The following GPC5 variants were observed in gnomAD, a reference collection of about 807,000 sequenced individuals.
The protein encoded by GPC5 is glypican 5, also known as glypican-5.
Under a neutral mutation model 53.9 loss-of-function variants are expected in GPC5, and 47 were observed. That is an observed-to-expected ratio of 0.87 (90% CI 0.69 to 1.11). The LOEUF is 1.11. Ranked by LOEUF, GPC5 falls within the 50% of genes most tolerant of loss-of-function variation. The pLI is 0.00. For synonymous variants in GPC5, 286 were observed against 263.3 expected (o/e 1.09, Z -0.84); for missense variants, 748 against 713.1 (o/e 1.05, Z -0.56).
intron 6 of GPC5, among the ~76,000 whole-genome samples, chr13:92,054,058 A>AAT (rs1357961961): frequency 6.6e-6 from 1 of 151,212 alleles, no homozygotes; most frequent in African/African-American, 2.4e-5. Context: ...TAAATAAATA[A>AAT]ATAAATAAAT....
At chr13:92,763,663 G>A (rs1001283707) in intron 7 of GPC5, among the ~76,000 whole-genome samples, 26 of 152,112 alleles carry the variant, frequency 1.7e-4, no homozygotes, top group African/African-American at 5.8e-4. Flanking sequence ...GGGTCTTGTG[G>A]TGCAGCTTCA....
chr13:92,084,337 C>T (rs1165113958), intron 6 of GPC5, among the ~76,000 whole-genome samples: 2 of 152,038 alleles, frequency 1.3e-5, no homozygotes, highest in Non-Finnish European at 2.9e-5. Context: ...TGCTATATCA[C>T]GTGGGTCACA....
At chr13:92,263,672 A>G (rs2042781648) in intron 7 of GPC5, among the ~76,000 whole-genome samples, 1 of 152,126 alleles carries the variant, frequency 6.6e-6, no homozygotes, top group Non-Finnish European at 1.5e-5. Context: ...TATTATTCCC[A>G]TTTATAAATG....
At chr13:92,212,737 C>A (rs1027614458) in intron 7 of GPC5, among the ~76,000 whole-genome samples, 2 of 152,186 alleles carry the variant, frequency 1.3e-5, no homozygotes, top group Non-Finnish European at 2.9e-5. Context: ...CTAATGTCCT[C>A]TGGGCACAGC....
intron 7 of GPC5, among the ~76,000 whole-genome samples, chr13:92,472,428 A>T (rs1878949222): frequency 6.6e-6 from 1 of 152,092 alleles, no homozygotes; most frequent in Admixed American, 6.6e-5. Flanking sequence ...AAGTTAGCTC[A>T]CGTGCAATGT....
intron 5 of GPC5, among the ~76,000 whole-genome samples, chr13:91,882,669 G>GTTTTT (rs1469974080): frequency 1.1e-3 from 22 of 19,694 alleles, no homozygotes; most frequent in Non-Finnish European, 1.6e-3. Flanking sequence ...TTGTTTTTTG[G>GTTTTT]GTTTTTTTTT....
At chr13:91,774,626 C>T (rs1445396) in intron 5 of GPC5, among the ~76,000 whole-genome samples, 61,505 of 151,876 alleles carry the variant, frequency 0.4, 14,352 homozygotes, top group East Asian at 0.87. Flanking sequence ...TACTGCTGGA[C>T]ATGATGGTGA....
At chr13:92,009,786 C>A (rs2040643354) in intron 6 of GPC5, among the ~76,000 whole-genome samples, 1 of 152,176 alleles carries the variant, frequency 6.6e-6, no homozygotes, top group Non-Finnish European at 1.5e-5. Flanking sequence ...TTCCTCCTGG[C>A]AGAGAGCCAT....
intron 7 of GPC5, among the ~76,000 whole-genome samples, chr13:92,706,367 A>G (rs900262362): frequency 6.6e-6 from 1 of 151,966 alleles, no homozygotes; most frequent in African/African-American, 2.4e-5. Flanking sequence ...CTAGAATGCT[A>G]TTAAAATATA....
chr13:91,664,709 C>T (rs1328078827), intron 2 of GPC5, among the ~76,000 whole-genome samples: 1 of 152,168 alleles, frequency 6.6e-6, no homozygotes, highest in Non-Finnish European at 1.5e-5. Context: ...CTGCATGTTG[C>T]TTACAGTTTA....
chr13:92,512,169 C>T lies in GPC5; in HGVS notation c.1562-354113C>T, dbSNP rs372580837. Among the ~76,000 whole-genome samples the T allele has an allele frequency of 1.1e-4, 16 of 152,214 alleles. No individual in the cohort carries two copies. In the East Asian group the frequency reaches 2.9e-3, roughly 28 times the overall value. Reference sequence around the variant, plus strand: ...TATCTTATATTAACTAAATTTTCTCCCCGATTCTGCCCTGGCAACACTTAA... The same window carrying T: ...TATCTTATATTAACTAAATTTTCTCTCCGATTCTGCCCTGGCAACACTTAA... On this transcript the variant is annotated intron_variant, in intron 7 of 7. Coordinates refer to ENST00000377067, the MANE Select transcript of GPC5 (RefSeq NM_004466.6).
intron 7 of GPC5, among the ~76,000 whole-genome samples, chr13:92,155,239 T>A (rs9523521): frequency 0.21 from 31,736 of 152,034 alleles, 3,963 homozygotes; most frequent in Non-Finnish European, 0.3. Flanking sequence ...TTAGCTCACA[T>A]GTTCTTTCCT....
Position 91,423,265 on chromosome 13 carries a change from T to A in GPC5, c.163+24056T>A, listed in dbSNP as rs1029938292. Among the ~76,000 whole-genome samples, 3 of 152,350 alleles carry A rather than the reference T, an allele frequency of 2.0e-5. 1 individual carries two copies. Among genetic ancestry groups the A allele is most frequent in the Admixed American group, 2.0e-4 (3 of 15,302 alleles). ...AGTTTTGGAGCCACACTGCCAGGGC[T>A]CATGTCTCAGCTTTTTAGTAGACAT... On this transcript the variant is annotated intron_variant, in intron 1 of 7. Coordinates refer to ENST00000377067, the MANE Select transcript of GPC5 (RefSeq NM_004466.6).
At chr13:91,697,069 T>G (rs1201087447) in intron 3 of GPC5, among the ~76,000 whole-genome samples, 1 of 152,230 alleles carries the variant, frequency 6.6e-6, no homozygotes, top group East Asian at 1.9e-4. Flanking sequence ...TAATGTCTTG[T>G]GCATAGTGTT....
At chr13:91,928,395 A>G (rs1227186005) in intron 6 of GPC5, among the ~76,000 whole-genome samples, 2 of 152,220 alleles carry the variant, frequency 1.3e-5, no homozygotes, top group Admixed American at 6.5e-5. Context: ...TCCATAAAGT[A>G]AAGAGAGAAT....
intron 7 of GPC5, among the ~76,000 whole-genome samples, chr13:92,708,703 C>A (rs1483023247): frequency 1.3e-5 from 2 of 150,814 alleles, no homozygotes; most frequent in East Asian, 3.9e-4. Flanking sequence ...TTATTAGAGA[C>A]AATACGTAAG....
At chr13:91,504,168 T>C (rs1351991315) in intron 2 of GPC5, among the ~76,000 whole-genome samples, 1 of 152,088 alleles carries the variant, frequency 6.6e-6, no homozygotes, top group Non-Finnish European at 1.5e-5. Flanking sequence ...CTTTAAAAAA[T>C]TATACATCTC....
At chr13:92,203,386 A>G (rs1300438196) in intron 7 of GPC5, among the ~76,000 whole-genome samples, 1 of 142,582 alleles carries the variant, frequency 7.0e-6, no homozygotes, top group Admixed American at 7.2e-5. Context: ...CTATCACAAG[A>G]ACAAAAAACC....
intron 6 of GPC5, among the ~76,000 whole-genome samples, chr13:91,911,452 G>T (rs183012786): frequency 6.4e-4 from 97 of 152,252 alleles, no homozygotes; most frequent in African/African-American, 2.3e-3. Flanking sequence ...ACTGAGGCAG[G>T]AGAATCGCTT....
Sources: allele counts gnomAD v4.1 joint callset (sites outside exome capture counted in the v4.1 genomes callset), GRCh38; gene constraint gnomAD v4.1.1; transcripts MANE v1.5; gene names NCBI Gene and HGNC (gene_info 2026-07-23, HGNC 2026-07-21).